Variants in TMX4 observed in about 807,000 individuals in gnomAD.
The protein encoded by TMX4 is thioredoxin related transmembrane protein 4.
TMX4 carries 23 observed loss-of-function variants against 33.3 expected under a neutral mutation model. The ratio of observed to expected loss-of-function variants is 0.69; its 90% CI spans 0.50 to 0.98. TMX4 has a LOEUF of 0.98. Ranked by LOEUF, TMX4 falls within the 50% of genes least tolerant of loss-of-function variation. The pLI, the probability that TMX4 is intolerant of heterozygous loss-of-function variation, is 0.00. For synonymous variants in TMX4, 164 were observed against 161.5 expected, an observed-to-expected ratio of 1.02 and a Z score of -0.12; for missense variants, 399 against 448.9, an observed-to-expected ratio of 0.89 and a Z score of 1.01.
chr20:8,005,870 C>T (rs1182052230), intron 2 of TMX4, among the ~76,000 whole-genome samples: 3 of 152,158 alleles, frequency 2.0e-5, no homozygotes, highest in Non-Finnish European at 2.9e-5. Flanking sequence ...ACTCCATCCC[C>T]GTTCTGGCCT....
At chr20:7,999,380 T>C (rs2050692697) in intron 4 of TMX4, among the ~76,000 whole-genome samples, 1 of 152,204 alleles carries the variant, frequency 6.6e-6, no homozygotes, top group African/African-American at 2.4e-5. Context: ...CAATAAACAG[T>C]TATTCCTCTG....
chr20:8,001,693 T>C, intron 2 of TMX4, 152 bp from the exon 3 acceptor site: 1 of 726,240 alleles, frequency 1.4e-6, no homozygotes, highest in Non-Finnish European at 2.3e-6. Context: ...CATTTCTACC[T>C]ATTTTTATTA....
intron 4 of TMX4, among the ~76,000 whole-genome samples, chr20:7,997,027 T>C (rs903849391): frequency 6.6e-6 from 1 of 152,172 alleles, no homozygotes; most frequent in Non-Finnish European, 1.5e-5. Context: ...CTTAGTAACA[T>C]GGGATACAAG....
intron 5 of TMX4, among the ~76,000 whole-genome samples, chr20:7,991,513 C>T (rs1263244343): frequency 5.9e-5 from 9 of 152,102 alleles, no homozygotes; most frequent in African/African-American, 2.2e-4. Flanking sequence ...TGAGCACTTC[C>T]TTTAAGTGTC....
intron 5 of TMX4, among the ~76,000 whole-genome samples, chr20:7,995,069 A>G (rs2050670201): frequency 6.6e-6 from 1 of 152,182 alleles, no homozygotes; most frequent in Admixed American, 6.5e-5. Context: ...ATTCTATCTC[A>G]CAAGGCAGAA....
intron 3 of TMX4, among the ~76,000 whole-genome samples, chr20:8,000,732 T>C (rs1430194180): frequency 6.6e-6 from 1 of 152,168 alleles, no homozygotes; most frequent in Non-Finnish European, 1.5e-5. Flanking sequence ...TGCTGAGGAA[T>C]TCTCAATATG....
Position 8,019,668 on chromosome 20 carries a change from G to A in TMX4, c.-55C>T. On this transcript the variant is annotated 5_prime_UTR_variant, in exon 1 of 8. Transcript: ENST00000246024. ...GGAGTGTGGGGAAGGGCAGCGGCCG[G>A]CCCGCAGCCTCGCTCGCCCGCCGGG... 2.4e-6 allele frequency: 3 copies of A among 1,270,702 alleles called. No homozygotes were observed. The highest frequency in any genetic ancestry group is 3.0e-6 in the Non-Finnish European group (3 of 1,004,038). 78.7% of individuals were successfully genotyped at this position (1,270,702 alleles called of 1,614,324 possible). A position where few individuals can be genotyped will look rare whatever the true frequency, so the allele number is the denominator to read the frequency against.
Position 7,987,350 on chromosome 20 carries a change from C to G in TMX4, c.553G>C (p.Ala185Pro), listed in dbSNP as rs376226550. 1.3e-6 allele frequency: 2 copies of G among 1,596,200 alleles called. No individual in the cohort carries two copies. Among genetic ancestry groups the G allele is most frequent in the Non-Finnish European group, 1.7e-6 (2 of 1,175,240 alleles). ...ACGAAAAAGACATAAGAACACCAAG[C>G]AGGAATTCCAAGAGTCACTGTGAAA... ...NYFTVTLGIPAWCSYVFFVIA... is the reference protein window; with the variant it reads ...NYFTVTLGIPPWCSYVFFVIA... Residue 185 changes from alanine (A) to proline (P), a missense_variant, in exon 6 of 8, where the codon GCT (alanine) becomes CCT (proline). Coordinates refer to ENST00000246024, the MANE Select transcript of TMX4 (RefSeq NM_021156.4).
intron 6 of TMX4, among the ~76,000 whole-genome samples, chr20:7,986,023 C>T (rs1476247482): frequency 6.6e-6 from 1 of 152,192 alleles, no homozygotes; most frequent in Non-Finnish European, 1.5e-5. Context: ...CATACTGTTT[C>T]CCCCTACAAG....
At chr20:8,007,377 C>T (rs545291786) in intron 2 of TMX4, among the ~76,000 whole-genome samples, 24 of 152,268 alleles carry the variant, frequency 1.6e-4, no homozygotes, top group Middle Eastern at 6.8e-3. Context: ...TCCAAGCCAC[C>T]ATCTTCTCAA....
chr20:8,001,452 T>C (rs573045230), intron 3 of TMX4, 44 bp downstream of exon 3: 11 of 1,541,892 alleles, frequency 7.1e-6, no homozygotes, highest in African/African-American at 6.9e-5. Context: ...TACACATCTA[T>C]TGATTTCTAA....
intron 5 of TMX4, among the ~76,000 whole-genome samples, chr20:7,990,236 AG>A (rs2050648609): frequency 1.3e-5 from 2 of 151,856 alleles, no homozygotes; most frequent in South Asian, 4.2e-4. Context: ...CGGAGGTTGC[AG>A]TGAGCTGAGA....
intron 1 of TMX4, 103 bp downstream of exon 1, chr20:8,019,335 T>C (rs2050800439): frequency 7.5e-7 from 1 of 1,338,878 alleles, no homozygotes; most frequent in African/African-American, 1.5e-5. Flanking sequence ...GGGTTTTAGG[T>C]TGAGCCCAAG....
At chr20:8,013,611 T>C (rs970430697) in intron 1 of TMX4, among the ~76,000 whole-genome samples, 3 of 152,208 alleles carry the variant, frequency 2.0e-5, no homozygotes, top group Non-Finnish European at 4.4e-5. Flanking sequence ...CCGTGTTTTG[T>C]TGATGGAACG....
chr20:7,990,470 G>A (rs1156687581), intron 5 of TMX4, among the ~76,000 whole-genome samples: 4 of 152,274 alleles, frequency 2.6e-5, no homozygotes, highest in South Asian at 2.1e-4. Context: ...AATGAGAAGA[G>A]CATTCTAATC....
At chr20:7,997,177 A>C (rs1312515038) in intron 4 of TMX4, among the ~76,000 whole-genome samples, 4 of 152,058 alleles carry the variant, frequency 2.6e-5, no homozygotes, top group African/African-American at 9.7e-5. Context: ...GGGGTGGCCC[A>C]TGACTCATCC....
intron 5 of TMX4, among the ~76,000 whole-genome samples, chr20:7,991,017 A>C (rs1004873327): frequency 2.0e-5 from 3 of 152,374 alleles, no homozygotes; most frequent in East Asian, 3.9e-4. Context: ...TGCTATGTAA[A>C]TCACAGAAGA....
chr20:7,982,681 T>TGA, intron 7 of TMX4, 60 bp from the exon 8 acceptor site: 1 of 1,510,244 alleles, frequency 6.6e-7, no homozygotes, highest in Non-Finnish European at 8.9e-7. Flanking sequence ...GGTAATCAAT[T>TGA]GAGTGTGTTT....
chr20:8,011,780 T>C (rs754963393), intron 1 of TMX4, among the ~76,000 whole-genome samples: 8 of 152,100 alleles, frequency 5.3e-5, no homozygotes, highest in African/African-American at 1.2e-4. Flanking sequence ...GACTACTATA[T>C]AGCTAATTCC....
Sources: allele counts gnomAD v4.1 joint callset (sites outside exome capture counted in the v4.1 genomes callset), GRCh38; gene constraint gnomAD v4.1.1; transcripts MANE v1.5; gene names NCBI Gene and HGNC (gene_info 2026-07-23, HGNC 2026-07-21).